The following IQSEC1 variants were observed in gnomAD, a reference collection of about 807,000 sequenced individuals.
The protein encoded by IQSEC1 is IQ motif and SEC7 domain-containing protein 1.
Under a neutral mutation model 91.0 loss-of-function variants are expected in IQSEC1, and 31 were observed. That is an observed-to-expected ratio of 0.34 (90% confidence interval 0.26 to 0.46). The LOEUF is 0.46. Ranked by LOEUF, IQSEC1 falls within the 20% of genes least tolerant of loss-of-function variation. The pLI is 1.00. For synonymous variants in IQSEC1, 699 were observed against 662.6 expected (o/e 1.05, Z -0.84); for missense variants, 1,388 against 1,575.6 (o/e 0.88, Z 2.02).
At chr3:13,142,969 T>C (rs1706826076) in intron 2 of IQSEC1, among the ~76,000 whole-genome samples, 1 of 152,202 alleles carries the variant, frequency 6.6e-6, no homozygotes, top group South Asian at 2.1e-4. Context: ...GGTCCTTCAT[T>C]TCCTCCTGTT....
chr3:12,900,650 A>C lies in IQSEC1; in HGVS notation c.*333T>G, dbSNP rs1176680478. 1 of 1,223,230 alleles carries C rather than the reference A, an allele frequency of 8.2e-7. No homozygotes were observed. The highest frequency in any genetic ancestry group is 1.0e-6 in the Non-Finnish European group (1 of 975,388). The allele number at this position is 1,223,230 out of a possible 1,614,324, so 75.8% of individuals were successfully genotyped here. ...AGGTTGGGTTTTCATATGCATGTAC[A>C]TTAGGGCACAGGGAGCTGAGAGCTG... On this transcript the variant is annotated 3_prime_UTR_variant, in exon 14 of 14. Transcript: ENST00000613206.
intron 1 of IQSEC1, among the ~76,000 whole-genome samples, chr3:12,976,980 T>C (rs1027056816): frequency 3.9e-5 from 6 of 152,112 alleles, no homozygotes; most frequent in African/African-American, 7.2e-5. Flanking sequence ...CTGATTCTCA[T>C]CTCTAGTGTG....
chr3:13,232,549 A>G (rs1232439817), intron 1 of IQSEC1, among the ~76,000 whole-genome samples: 2 of 152,168 alleles, frequency 1.3e-5, no homozygotes, highest in African/African-American at 4.8e-5. Flanking sequence ...AAGCAGAGAG[A>G]GGACCCAGCC....
rs138882399 is a variant in IQSEC1 at position 13,039,231 on chromosome 3, G to T, written c.23+33761C>A. Among the ~76,000 whole-genome samples the T allele has an allele frequency of 5.9e-5, 9 of 152,370 alleles. 1 individual carries two copies. Among genetic ancestry groups the T allele is most frequent in the African/African-American group, 2.2e-4 (9 of 41,594 alleles). ...CATCTCCCCACAACCAAGGCAGAACGCAGAGGCGCCCCGTGAAGATTTCTT... is the reference window on the plus strand; with the variant it reads ...CATCTCCCCACAACCAAGGCAGAACTCAGAGGCGCCCCGTGAAGATTTCTT... On this transcript the variant is annotated intron_variant, in intron 1 of 13. Transcript: ENST00000613206.
intron 1 of IQSEC1, among the ~76,000 whole-genome samples, chr3:13,040,844 G>T (rs897203884): frequency 6.6e-6 from 1 of 152,068 alleles, no homozygotes; most frequent in Admixed American, 6.6e-5. Flanking sequence ...TGAAGCCCCC[G>T]CACCCAGCCC....
At chr3:13,022,499 T>A in intron 1 of IQSEC1, 1 of 987,328 alleles carries the variant, frequency 1.0e-6, no homozygotes, top group Non-Finnish European at 1.2e-6. Flanking sequence ...GTGAGGGGCG[T>A]CCGCCGGTGA....
At chr3:13,159,490 G>C (rs1020924200) in intron 2 of IQSEC1, among the ~76,000 whole-genome samples, 5 of 152,080 alleles carry the variant, frequency 3.3e-5, no homozygotes, top group African/African-American at 1.2e-4. Context: ...AAAGGGATAG[G>C]GCCTGGCAAT....
intron 1 of IQSEC1, among the ~76,000 whole-genome samples, chr3:13,278,992 G>T (rs539644149): frequency 2.0e-5 from 3 of 152,152 alleles, no homozygotes; most frequent in African/African-American, 7.2e-5. Flanking sequence ...CACCTGCCTC[G>T]TAGGAGTGAT....
intron 2 of IQSEC1, among the ~76,000 whole-genome samples, chr3:13,104,732 TCCGGCCACTA>T (rs1706118811): frequency 6.6e-6 from 1 of 152,088 alleles, no homozygotes; most frequent in African/African-American, 2.4e-5. Context: ...CACCCCTCAC[TCCGGCCACTA>T]GCGGACGCTA....
intron 1 of IQSEC1, among the ~76,000 whole-genome samples, chr3:13,045,568 G>T (rs1704463664): frequency 6.6e-6 from 1 of 152,218 alleles, no homozygotes; most frequent in Non-Finnish European, 1.5e-5. Flanking sequence ...GGGCTGTGCA[G>T]TGAGACCCAA....
At chr3:13,045,747 T>G (rs1006971218) in intron 1 of IQSEC1, among the ~76,000 whole-genome samples, 5 of 152,194 alleles carry the variant, frequency 3.3e-5, no homozygotes, top group African/African-American at 1.2e-4. Flanking sequence ...GCCCGTGGCA[T>G]GGGTGGGTGG....
chr3:13,090,226 T>A (rs3930428), intron 2 of IQSEC1, among the ~76,000 whole-genome samples: 93,952 of 143,106 alleles, frequency 0.66, 29,870 homozygotes, highest in East Asian at 0.85. Context: ...TCAAAAAAAA[T>A]AAAACAACAA....
At chr3:13,251,732 C>G (rs971127294) in intron 1 of IQSEC1, among the ~76,000 whole-genome samples, 3 of 152,194 alleles carry the variant, frequency 2.0e-5, no homozygotes, top group Non-Finnish European at 4.4e-5. Flanking sequence ...CAACAATATT[C>G]TAATGAGACA....
Position 12,970,684 on chromosome 3 carries a change from T to C in IQSEC1, c.24-28819A>G, listed in dbSNP as rs1331831920. Among the ~76,000 whole-genome samples, 2 of 152,330 alleles carry C rather than the reference T, an allele frequency of 1.3e-5. No homozygotes were observed. Among genetic ancestry groups the C allele is most frequent in the South Asian group, 4.1e-4 (2 of 4,828 alleles). On this transcript the variant is annotated intron_variant, in intron 1 of 13. Transcript: ENST00000613206. This position sits in a 1 kb window ranked among gnomAD's most constrained non-coding sequence, Gnocchi z 4.4. ...TCCAGCAACACTAAGCTTCTTTCAG[T>C]TCCCCACACTCCCCACTGTGCCTGG...
chr3:13,092,183 G>A (rs955306765), intron 2 of IQSEC1, among the ~76,000 whole-genome samples: 1 of 152,188 alleles, frequency 6.6e-6, no homozygotes, highest in Non-Finnish European at 1.5e-5. Context: ...AGCCAGCAGG[G>A]ACATACCAGG....
chr3:13,012,589 C>T (rs1173300225), intron 1 of IQSEC1, among the ~76,000 whole-genome samples: 5 of 152,170 alleles, frequency 3.3e-5, no homozygotes, highest in African/African-American at 1.2e-4. Context: ...TGGTGACGAC[C>T]GAATGAAAGG....
Position 12,898,695 on chromosome 3 carries a change from G to A in IQSEC1, c.*2288C>T, listed in dbSNP as rs1693894287. Reference sequence around the variant, plus strand: ...CTCCTCCCAGCACAGAAGAGGGTGAGAAAAGCTGACATACTCAATATGTAA... The same window carrying A: ...CTCCTCCCAGCACAGAAGAGGGTGAAAAAAGCTGACATACTCAATATGTAA... On this transcript the variant is annotated 3_prime_UTR_variant, in exon 14 of 14. Coordinates refer to ENST00000613206, the MANE Select transcript of IQSEC1 (RefSeq NM_001134382.3). The A allele has an allele frequency of 6.6e-6, 1 of 152,308 alleles. No homozygotes were observed. Among genetic ancestry groups the A allele is most frequent in the African/African-American group, 2.4e-5 (1 of 41,462 alleles). 9.4% of individuals were successfully genotyped at this position (152,308 alleles called of 1,614,324 possible).
At chr3:13,258,419 C>T (rs1430737008) in intron 1 of IQSEC1, among the ~76,000 whole-genome samples, 1 of 152,200 alleles carries the variant, frequency 6.6e-6, no homozygotes, top group African/African-American at 2.4e-5. Context: ...TGATGGCTCA[C>T]ACTTGTAATC....
chr3:12,901,342 G>A lies in IQSEC1; in HGVS notation c.2986C>T (p.His996Tyr), dbSNP rs1243279198. Residue 996 changes from histidine to tyrosine, a missense_variant, in exon 14 of 14, where the codon CAC becomes TAC. His to Tyr is a moderately conservative substitution (Grantham distance 83). Transcript: ENST00000613206. Reference protein sequence around the residue: ...LPSAPALPPPHPPVVLPHLQH... With the variant: ...LPSAPALPPPYPPVVLPHLQH... ...AAGTGAGGCAGGACCACCGGTGGGT[G>A]GGGGGGTGGCAGGGCTGGGGCTGAG... is the stretch of plus-strand genomic sequence containing the variant. The A allele has an allele frequency of 7.2e-6, 11 of 1,520,796 alleles. No individual in the cohort carries two copies. In the Admixed American group the frequency reaches 7.9e-5, roughly 11 times the overall value. The allele number at this position is 1,520,796 out of a possible 1,614,324, so 94.2% of individuals were successfully genotyped here.
Sources: allele counts gnomAD v4.1 joint callset (sites outside exome capture counted in the v4.1 genomes callset), GRCh38; gene constraint gnomAD v4.1.1; non-coding constraint Gnocchi (gnomAD v3.1); transcripts MANE v1.5; gene names NCBI Gene and HGNC (gene_info 2026-07-23, HGNC 2026-07-21).